The following SVEP1 variants were observed in gnomAD, a reference collection of about 807,000 sequenced individuals.
SVEP1 encodes sushi, von Willebrand factor type A, EGF and pentraxin domain containing 1, also known as sushi, von Willebrand factor type A, EGF and pentraxin domain-containing protein 1.
Under a neutral mutation model 367.3 loss-of-function variants are expected in SVEP1, and 164 were observed. The observed-to-expected ratio is 0.45, with a 90% confidence interval of 0.39 to 0.51. The LOEUF (loss-of-function observed/expected upper bound fraction) is 0.51. SVEP1 is among the 20% of genes least tolerant of loss of function. The probability of loss-of-function intolerance (pLI) is 0.00; values close to 1 mark genes in which losing one functional copy is unlikely to be tolerated. For missense variants in SVEP1, 4,117 were observed against 4,425.3 expected, an observed-to-expected ratio of 0.93 and a Z score of 1.98; for synonymous variants, 1,666 against 1,611.6, an observed-to-expected ratio of 1.03 and a Z score of -0.81.
At chr9:110,547,647 A>G (rs185423320) in intron 2 of SVEP1, among the ~76,000 whole-genome samples, 2 of 152,292 alleles carry the variant, frequency 1.3e-5, no homozygotes, top group East Asian at 3.9e-4. Context: ...CAGGTCTGGA[A>G]GAGAGATAAG....
In SVEP1 at chr9:110,406,601, G is replaced by A; in HGVS notation, c.8999C>T (p.Pro3000Leu). ...LSNGSWSGSS[P>L]SCLPCRCSTP... ...GGAACATCTGCAAGGCAGGCAGGAA[G>A]GTGAGCTGCCACTCCAGGAGCCATT... Residue 3000 changes from proline to leucine, a missense_variant, in exon 38 of 48, where the codon CCT becomes CTT. This residue lies in a region of SVEP1 where 1,765 missense variants were observed against 1,781.1 expected (regional missense o/e 0.99). Coordinates refer to ENST00000374469, the MANE Select transcript of SVEP1 (RefSeq NM_153366.4). 2 of 1,613,874 alleles carry A rather than the reference G, an allele frequency of 1.2e-6. No homozygotes were observed. Among genetic ancestry groups the A allele is most frequent in the South Asian group, 1.1e-5 (1 of 91,080 alleles).
In SVEP1 at chr9:110,455,652, T is replaced by C. The variant is rs1358960599; in HGVS notation, c.3725A>G (p.Asn1242Ser). 1.2e-6 allele frequency: 2 copies of C among 1,613,506 alleles called. No individual in the cohort carries two copies. Among genetic ancestry groups the C allele is most frequent in the Admixed American group, 1.7e-5 (1 of 59,928 alleles). ...AACTAGGTCTTTACAAACTCCATTG[T>C]TGAGGCAAGGCAGTGGGCTGCACTC... ...IDECSPLPCL[N>S]NGVCKDLVGE... is the part of the protein sequence containing the mutation. Residue 1242 changes from asparagine (N) to serine (S), a missense_variant, in exon 22 of 48, where the codon AAC becomes AGC. Around this residue, in one of 4 missense-constraint regions of SVEP1, gnomAD observed 2,174 missense variants for 2,494.3 expected, o/e 0.87. Coordinates refer to ENST00000374469, the MANE Select transcript of SVEP1 (RefSeq NM_153366.4).
chr9:110,411,025 GACAAAA>G, intron 37 of SVEP1, 32 bp downstream of exon 37: 2 of 1,506,124 alleles, frequency 1.3e-6, no homozygotes, highest in Non-Finnish European at 1.8e-6. Context: ...TGGGCCCTGT[GACAAAA>G]GCCACAGACC....
intron 40 of SVEP1, 25 bp downstream of exon 40, chr9:110,400,823 TTATTTC>T: frequency 6.3e-7 from 1 of 1,581,910 alleles, no homozygotes. Flanking sequence ...GAAAAACAAA[TTATTTC>T]TAGTTAAACA....
At chr9:110,417,073 T>C (rs1488602340) in intron 36 of SVEP1, among the ~76,000 whole-genome samples, 8 of 151,980 alleles carry the variant, frequency 5.3e-5, no homozygotes, top group African/African-American at 1.9e-4. Context: ...AACGGAATAA[T>C]AGCTTCAAAA....
rs1428408386 is a variant in SVEP1, at chr9:110,408,194, C to T, written c.7406G>A (p.Gly2469Asp). 1 of 1,613,964 alleles carries T rather than the reference C, an allele frequency of 6.2e-7. No homozygotes were observed. The highest frequency in any genetic ancestry group is 8.5e-7 in the Non-Finnish European group (1 of 1,179,888). ...GGTAGTATTTCCCACCAATTCAAAG[C>T]CTGGCTTGCAGGTATAGAGAGCTGT... is the stretch of plus-strand genomic sequence containing the variant. ...LSTALYTCKP[G>D]FELVGNTTTL... Residue 2469 changes from glycine to aspartate, a missense_variant, in exon 38 of 48, where the codon GGC becomes GAC. This residue lies in a region of SVEP1 where 1,765 missense variants were observed against 1,781.1 expected (regional missense o/e 0.99). Coordinates refer to ENST00000374469, the MANE Select transcript of SVEP1 (RefSeq NM_153366.4).
chr9:110,516,394 A>G (rs904740669), intron 3 of SVEP1, among the ~76,000 whole-genome samples: 3 of 151,810 alleles, frequency 2.0e-5, no homozygotes, highest in African/African-American at 7.2e-5. Context: ...CCAGATCTGG[A>G]GAGATTTGTG....
chr9:110,575,328 A>T (rs1275163848), intron 1 of SVEP1, among the ~76,000 whole-genome samples: 1 of 152,172 alleles, frequency 6.6e-6, no homozygotes, highest in African/African-American at 2.4e-5. Flanking sequence ...GTTTTGGATC[A>T]ACATTCTCAG....
In SVEP1 at chr9:110,469,127, CT is replaced by C. The variant is rs778189155; in HGVS notation, c.2999-27del. The C allele has an allele frequency of 1.9e-6, 3 of 1,597,934 alleles. No individual in the cohort carries two copies. In the East Asian group the frequency reaches 6.7e-5, roughly 36 times the overall value. Reference sequence around the variant, plus strand: ...CTACAGAAAAAGCAAACAGGAAACACTGAATAAACTACAACGGTGGAACACA... The same window carrying C: ...CTACAGAAAAAGCAAACAGGAAACACGAATAAACTACAACGGTGGAACACA... On this transcript the variant is annotated intron_variant, in intron 16 of 47. Coordinates refer to ENST00000374469, the MANE Select transcript of SVEP1 (RefSeq NM_153366.4).
intron 36 of SVEP1, among the ~76,000 whole-genome samples, chr9:110,426,006 T>C (rs558272569): frequency 6.6e-6 from 1 of 152,298 alleles, no homozygotes; most frequent in East Asian, 1.9e-4. Flanking sequence ...GTTTGGAACA[T>C]GTATATTTGC....
intron 37 of SVEP1, among the ~76,000 whole-genome samples, chr9:110,410,058 A>G (rs1433346592): frequency 6.6e-6 from 1 of 151,816 alleles, no homozygotes; most frequent in African/African-American, 2.4e-5. Context: ...CCCTCTTCCA[A>G]TTAATAAATG....
Position 110,408,488 on chromosome 9 carries a change from T to C in SVEP1, c.7112A>G (p.Asp2371Gly), listed in dbSNP as rs1455335378. 2 of 1,613,558 alleles carry C rather than the reference T, an allele frequency of 1.2e-6. No homozygotes were observed. Among genetic ancestry groups the C allele is most frequent in the Admixed American group, 3.3e-5 (2 of 59,980 alleles). ...LKCLPSQQWNDSFPVCKIVLC... is the reference protein window; with the variant it reads ...LKCLPSQQWNGSFPVCKIVLC... ...AACAATCTTACAAACAGGGAAAGAG[T>C]CATTCCATTGCTGGGATGGCAAGCA... The change falls in exon 38 of 48, where the codon GAC becomes GGC. Residue 2371 changes from aspartate (D) to glycine (G), a missense_variant. By Grantham distance (94) the Asp-to-Gly change is moderately conservative. This residue lies in a region of SVEP1 where 1,765 missense variants were observed against 1,781.1 expected (regional missense o/e 0.99). Coordinates refer to ENST00000374469, the MANE Select transcript of SVEP1 (RefSeq NM_153366.4).
rs1029567390 is a variant in SVEP1, at chr9:110,369,929, C to T, written c.10688G>A (p.Cys3563Tyr). 6.2e-7 allele frequency: 1 copy of T among 1,611,326 alleles called. No homozygotes were observed. Among genetic ancestry groups the T allele is most frequent in the Middle Eastern group, 1.7e-4 (1 of 6,056 alleles). ...HCLSSWTGHN[C>Y]SRKRRTGF Reference sequence around the variant, plus strand: ...TAGTTTTTGGTTATCTTACCTGGAACAGTTATGTCCCGTCCAAGAAGAAAG... The same window carrying T: ...TAGTTTTTGGTTATCTTACCTGGAATAGTTATGTCCCGTCCAAGAAGAAAG... The change falls in exon 47 of 48, where the codon TGT becomes TAT. Residue 3563 changes from cysteine (C) to tyrosine (Y), a missense_variant. Cys to Tyr is a radical substitution (Grantham distance 194). This residue lies in a region of SVEP1 where 1,765 missense variants were observed against 1,781.1 expected (regional missense o/e 0.99). Transcript: ENST00000374469.
Position 110,411,429 on chromosome 9 carries a change from C to T in SVEP1, c.6282G>A (p.Leu2094=), listed in dbSNP as rs756832810. The T allele has an allele frequency of 2.4e-4, 391 of 1,613,880 alleles. No individual in the cohort carries two copies. The highest frequency in any genetic ancestry group is 3.2e-4 in the Non-Finnish European group (379 of 1,179,900). ...CAAATTTTGCTTTGCTCACAGATTC[C>T]AAGATGCTATAGGAAACCGATGGAG... The part of the protein sequence containing the change: ...EKPPSVSYSI[L]ESVSKAKFAA... Residue 2094 remains leucine (L), a synonymous_variant, in exon 37 of 48, where the codon TTG becomes TTA. Coordinates refer to ENST00000374469, the MANE Select transcript of SVEP1 (RefSeq NM_153366.4).
At chr9:110,523,246 T>C (rs1434598800) in intron 3 of SVEP1, among the ~76,000 whole-genome samples, 1 of 152,196 alleles carries the variant, frequency 6.6e-6, no homozygotes, top group Non-Finnish European at 1.5e-5. Context: ...CTGCAAGTCG[T>C]CTTCATTTCT....
At chr9:110,392,314 T>A (rs977569260) in intron 40 of SVEP1, among the ~76,000 whole-genome samples, 2 of 152,022 alleles carry the variant, frequency 1.3e-5, no homozygotes, top group African/African-American at 4.8e-5. Context: ...ATTGGTCCTG[T>A]ATCTGTTCCC....
rs748694581 is a variant in SVEP1, at chr9:110,427,685, C to T, written c.5881G>A (p.Val1961Ile). 28 of 1,613,802 alleles carry T rather than the reference C, an allele frequency of 1.7e-5. No individual in the cohort carries two copies. Among genetic ancestry groups the T allele is most frequent in the African/African-American group, 9.3e-5 (7 of 74,912 alleles). ...ATGGCAGGTGGTTCTCCACAGAAGA[C>T]GAGGTGACAGGCAGGTGGCGCTCTG... ...WDRAPPACHL[V>I]FCGEPPAIKD... The change falls in exon 36 of 48, where the codon GTC becomes ATC. Residue 1961 changes from valine (V) to isoleucine (I), a missense_variant. Val to Ile is a conservative substitution (Grantham distance 29). Coordinates refer to ENST00000374469, the MANE Select transcript of SVEP1 (RefSeq NM_153366.4).
chr9:110,515,296 ATTTTT>A (rs56032828), intron 3 of SVEP1, among the ~76,000 whole-genome samples: 12 of 101,488 alleles, frequency 1.2e-4, no homozygotes, highest in East Asian at 2.6e-4. Flanking sequence ...TTATGTGGGG[ATTTTT>A]TTTTTTTTTT....
At chr9:110,390,266 T>C (rs1486473016) in intron 40 of SVEP1, among the ~76,000 whole-genome samples, 1 of 111,964 alleles carries the variant, frequency 8.9e-6, no homozygotes. Context: ...TAAGTATGTA[T>C]ATATATACTT....
Sources: allele counts gnomAD v4.1 joint callset (sites outside exome capture counted in the v4.1 genomes callset), GRCh38; gene constraint gnomAD v4.1.1; regional missense constraint gnomAD v4.1.1; transcripts MANE v1.5; gene names NCBI Gene and HGNC (gene_info 2026-07-23, HGNC 2026-07-21).